ZNF257: variants seen among roughly 807,000 people sequenced by gnomAD.
ZNF257 encodes the protein bone marrow zinc finger 4.
A neutral mutation model predicts 11.9 loss-of-function variants in ZNF257; 12 were observed. The observed-to-expected ratio is 1.01, with a 90% CI of 0.65 to 1.63. ZNF257 has a LOEUF of 1.63. ZNF257 is among the 40% of genes most tolerant of loss of function. The pLI, the probability that ZNF257 is intolerant of heterozygous loss-of-function variation, is 0.00. For missense variants in ZNF257, 580 were observed against 665.5 expected, an observed-to-expected ratio of 0.87 and a Z score of 1.41; for synonymous variants, 183 against 222.7, an observed-to-expected ratio of 0.82 and a Z score of 1.59.
At chr19:22,066,730 T>A (rs1599663891) in intron 1 of ZNF257, among the ~76,000 whole-genome samples, 2 of 152,224 alleles carry the variant, frequency 1.3e-5, no homozygotes, top group Non-Finnish European at 2.9e-5. Flanking sequence ...GCATTGAATA[T>A]AACCATGTAG....
chr19:22,071,137 G>A (rs2022093347), intron 1 of ZNF257, among the ~76,000 whole-genome samples: 1 of 152,132 alleles, frequency 6.6e-6, no homozygotes, highest in African/African-American at 2.4e-5. Context: ...CACAGGGCAT[G>A]TTCTGTTTGG....
intron 3 of ZNF257, among the ~76,000 whole-genome samples, chr19:22,081,785 C>T (rs1282455843): frequency 1.3e-5 from 2 of 152,082 alleles, no homozygotes; most frequent in Non-Finnish European, 2.9e-5. Flanking sequence ...CCACCTTGGC[C>T]TCCCAAAGTC....
chr19:22,087,419 T>G (rs1410926070), intron 3 of ZNF257: 5 of 431,442 alleles, frequency 1.2e-5, no homozygotes, highest in Non-Finnish European at 1.6e-5. Context: ...TATCAATCAC[T>G]TGCTACACTT....
intron 3 of ZNF257, among the ~76,000 whole-genome samples, chr19:22,084,392 T>C (rs528368005): frequency 4.7e-4 from 72 of 152,110 alleles, no homozygotes; most frequent in Non-Finnish European, 9.3e-4. Context: ...TTCTGTAGCT[T>C]TGTAATCTGT....
intron 1 of ZNF257, among the ~76,000 whole-genome samples, chr19:22,053,996 G>C (rs2021554765): frequency 6.6e-6 from 1 of 151,792 alleles, no homozygotes; most frequent in African/African-American, 2.4e-5. Context: ...CCAGGGACTA[G>C]AGCCACCTCA....
At position 22,091,436 on chromosome 19, in the gene ZNF257, G is replaced by C. The variant is rs1431421718; in HGVS notation, c.*1994G>C. On this transcript the variant is annotated 3_prime_UTR_variant, in exon 4 of 4. Coordinates refer to ENST00000594947, the MANE Select transcript of ZNF257 (RefSeq NM_033468.4). ...GATCACGACATTGCACTCCAGCCTAGGCAACAAGAGCAAGACTTCGTCTCA... is the reference window on the plus strand; with the variant it reads ...GATCACGACATTGCACTCCAGCCTACGCAACAAGAGCAAGACTTCGTCTCA... 1 of 136,486 alleles carries C rather than the reference G, an allele frequency of 7.3e-6. No homozygotes were observed. Among genetic ancestry groups the C allele is most frequent in the African/African-American group, 2.7e-5 (1 of 36,546 alleles). 8.5% of individuals were successfully genotyped at this position (136,486 alleles called of 1,614,324 possible).
At chr19:22,065,499 G>A (rs1020424447) in intron 1 of ZNF257, among the ~76,000 whole-genome samples, 7 of 151,966 alleles carry the variant, frequency 4.6e-5, no homozygotes, top group African/African-American at 1.5e-4. Context: ...GGTGCCCAGC[G>A]ATTACAGACA....
rs550915373 is a variant in ZNF257 at position 22,062,729 on chromosome 19, G to A, written c.4-10080G>A. ...ACTCCCGACCTCAGGTGAGCTGCCC[G>A]CCTTGGCCTCCAAAGAGCTATTACA... On this transcript the variant is annotated intron_variant, in intron 1 of 3. Transcript: ENST00000594947. 3.9e-5 allele frequency among the ~76,000 whole-genome samples: 6 copies of A among 152,148 alleles called. No homozygotes were observed. The East Asian group carries it at 5.8e-4, about 15-fold the overall frequency.
chr19:22,073,085 AAATCAT>A (rs2022144158), intron 2 of ZNF257, 150 bp downstream of exon 2: 1 of 1,052,770 alleles, frequency 9.5e-7, no homozygotes, highest in Non-Finnish European at 1.3e-6. Context: ...GTTTTCAAGA[AAATCAT>A]AAGGATTTGT....
intron 3 of ZNF257, among the ~76,000 whole-genome samples, chr19:22,080,686 CT>C (rs2022337441): frequency 6.6e-6 from 1 of 151,280 alleles, no homozygotes; most frequent in Non-Finnish European, 1.5e-5. Flanking sequence ...TTTATTATTG[CT>C]ATTTTATCTG....
intron 3 of ZNF257, among the ~76,000 whole-genome samples, chr19:22,076,541 T>A (rs979670508): frequency 2.0e-5 from 3 of 152,296 alleles, no homozygotes; most frequent in Middle Eastern, 3.4e-3. Flanking sequence ...AATACCTGCC[T>A]TCCATGAGTA....
Position 22,089,077 on chromosome 19 carries a change from T to C in ZNF257, c.1327T>C (p.Ser443Pro). The C allele has an allele frequency of 6.2e-7, 1 of 1,613,026 alleles. No homozygotes were observed. The highest frequency in any genetic ancestry group is 8.5e-7 in the Non-Finnish European group (1 of 1,179,722). ...CEECGKAFNRSSYLIRHKIIH... is the reference protein window; with the variant it reads ...CEECGKAFNRPSYLIRHKIIH... ...AGAGTGTGGCAAAGCCTTTAACCGG[T>C]CTTCATACCTTATTCGACATAAGAT... is the stretch of plus-strand genomic sequence containing the variant. Residue 443 changes from serine to proline, a missense_variant, in exon 4 of 4, where the codon TCT becomes CCT. By Grantham distance (74) the Ser-to-Pro change is moderately conservative. Transcript: ENST00000594947.
At chr19:22,084,075 G>A (rs1009995207) in intron 3 of ZNF257, among the ~76,000 whole-genome samples, 5 of 151,746 alleles carry the variant, frequency 3.3e-5, no homozygotes, top group Non-Finnish European at 1.5e-5. Flanking sequence ...GGGAAGCAGA[G>A]GTTGCAGTGA....
In ZNF257 at chr19:22,067,879, T is replaced by TCC. The variant is rs140435609; in HGVS notation, c.4-4924_4-4923dup. On this transcript the variant is annotated intron_variant, in intron 1 of 3. Transcript: ENST00000594947. ...AATAAATGAGAAACACAATTATGTC[T>TCC]CCCCCCCGCTTGAGCTATGTATTCA... Among the ~76,000 whole-genome samples, 489 of 148,084 alleles carry TCC rather than the reference T, an allele frequency of 3.3e-3. 2 individuals carry two copies. The highest frequency in any genetic ancestry group is 0.01 in the African/African-American group (415 of 40,090).
intron 3 of ZNF257, among the ~76,000 whole-genome samples, chr19:22,086,181 G>A (rs948092852): frequency 6.6e-6 from 1 of 151,032 alleles, no homozygotes; most frequent in African/African-American, 2.4e-5. Flanking sequence ...ATGTGGTTTC[G>A]CTTCTTTCTT....
intron 1 of ZNF257, among the ~76,000 whole-genome samples, chr19:22,057,527 C>T (rs1442092610): frequency 6.6e-6 from 1 of 152,066 alleles, no homozygotes; most frequent in Non-Finnish European, 1.5e-5. Flanking sequence ...GAAGGTCTTA[C>T]TGAAGATGAA....
intron 1 of ZNF257, 65 bp from the exon 2 acceptor site, chr19:22,072,744 C>T: frequency 6.4e-7 from 1 of 1,561,404 alleles, no homozygotes; most frequent in Non-Finnish European, 8.7e-7. Context: ...CCTTGAGTGA[C>T]ATTAAAAATT....
rs956662275 is a variant in ZNF257, at chr19:22,088,501, C to T, written c.751C>T (p.His251Tyr). Residue 251 changes from histidine (H) to tyrosine (Y), a missense_variant, in exon 4 of 4, where the codon CAT becomes TAT. Physicochemically the swap from His to Tyr is moderately conservative, Grantham distance 83. Transcript: ENST00000594947. ...SSHLTQHKVIHTREKPYKCEE... is the reference protein window; with the variant it reads ...SSHLTQHKVIYTREKPYKCEE... ...ACACCTTACTCAACATAAGGTAATT[C>T]ATACTAGAGAGAAACCCTACAAATG... The T allele has an allele frequency of 8.7e-6, 14 of 1,612,022 alleles. No individual in the cohort carries two copies. In the Admixed American group the frequency reaches 1.5e-4, roughly 17 times the overall value.
intron 1 of ZNF257, chr19:22,060,398 A>T (rs2021763289): frequency 6.6e-6 from 1 of 151,606 alleles, no homozygotes; most frequent in Non-Finnish European, 1.5e-5. Context: ...TTCTCTAATG[A>T]TTAGTGATGA....
Sources: gnomAD v4.1 joint callset for allele counts (sites outside exome capture counted in the v4.1 genomes callset) on GRCh38, gnomAD v4.1.1 for gene constraint, MANE v1.5 for transcripts, NCBI Gene and HGNC (gene_info 2026-07-23, HGNC 2026-07-21) for gene names.